Variants in NKAIN2 observed in about 807,000 individuals in gnomAD.
NKAIN2 encodes sodium/potassium-transporting ATPase subunit beta-1-interacting protein 2.
A neutral mutation model predicts 32.6 loss-of-function variants in NKAIN2; 14 were observed. The ratio of observed to expected loss-of-function variants is 0.43; its 90% CI spans 0.28 to 0.67. NKAIN2 has a LOEUF of 0.67. NKAIN2 is among the 30% of genes least tolerant of loss of function. The probability of loss-of-function intolerance (pLI) is 0.17; values close to 1 mark genes in which losing one functional copy is unlikely to be tolerated. For missense variants in NKAIN2, 198 were observed against 258.3 expected (o/e 0.77, Z 1.60); for synonymous variants, 80 against 87.2 (o/e 0.92, Z 0.46).
chr6:124,598,455 T>C (rs538924807), intron 3 of NKAIN2, among the ~76,000 whole-genome samples: 1 of 152,226 alleles, frequency 6.6e-6, no homozygotes, highest in South Asian at 2.1e-4. Context: ...CATACTGTGA[T>C]ATATGGTTCT....
chr6:123,971,394 G>T (rs376011589), intron 1 of NKAIN2, among the ~76,000 whole-genome samples: 1 of 151,870 alleles, frequency 6.6e-6, no homozygotes, highest in South Asian at 2.1e-4. Context: ...ATACGGATTT[G>T]TATGTGCTTC....
chr6:124,394,978 C>T (rs2114431552), intron 3 of NKAIN2, among the ~76,000 whole-genome samples: 1 of 152,200 alleles, frequency 6.6e-6, no homozygotes, highest in Non-Finnish European at 1.5e-5. Flanking sequence ...ATAATATGGG[C>T]TTGGACTTCC....
At chr6:124,609,676 T>C (rs1490226689) in intron 3 of NKAIN2, among the ~76,000 whole-genome samples, 1 of 152,036 alleles carries the variant, frequency 6.6e-6, no homozygotes, top group African/African-American at 2.4e-5. Flanking sequence ...CACACATTTT[T>C]TTTTCACTTT....
chr6:124,222,168 A>C (rs9482518), intron 1 of NKAIN2, among the ~76,000 whole-genome samples: 122,137 of 151,998 alleles, frequency 0.8, 49,273 homozygotes, highest in South Asian at 0.86. Flanking sequence ...GTAACAGGAA[A>C]AAGCAAAGAC....
chr6:124,561,424 C>T (rs1277460812), intron 3 of NKAIN2, among the ~76,000 whole-genome samples: 1 of 152,234 alleles, frequency 6.6e-6, no homozygotes, highest in African/African-American at 2.4e-5. Context: ...AGTGTCATAG[C>T]ATTTGATGGA....
chr6:123,916,773 CT>C (rs372688136), intron 1 of NKAIN2, among the ~76,000 whole-genome samples: 2 of 149,130 alleles, frequency 1.3e-5, no homozygotes, highest in Admixed American at 6.8e-5. Context: ...TCTATCTTAT[CT>C]ATGTATCTAT....
chr6:124,658,217 C>T lies in NKAIN2; in HGVS notation c.305C>T (p.Ser102Leu), dbSNP rs1439277697. The change falls in exon 4 of 7, where the codon TCA becomes TTA. Residue 102 changes from serine (S) to leucine (L), a missense_variant. Transcript: ENST00000368417. ...GACCTTATCCTGACTTTTAATATAT[C>T]AATGCACCGATCTTGGTGGATGGAG... Reference protein sequence around the residue: ...ETDLILTFNISMHRSWWMENG... With the variant: ...ETDLILTFNILMHRSWWMENG... 1 of 1,612,754 alleles carries T rather than the reference C, an allele frequency of 6.2e-7. No homozygotes were observed. The highest frequency in any genetic ancestry group is 2.2e-5 in the East Asian group (1 of 44,856).
intron 3 of NKAIN2, among the ~76,000 whole-genome samples, chr6:124,596,390 C>G (rs1782086949): frequency 6.6e-6 from 1 of 152,090 alleles, no homozygotes; most frequent in Non-Finnish European, 1.5e-5. Context: ...TGTGTGAGAG[C>G]CCCACAGGGC....
At chr6:124,224,924 C>T (rs1282370769) in intron 1 of NKAIN2, among the ~76,000 whole-genome samples, 1 of 152,002 alleles carries the variant, frequency 6.6e-6, no homozygotes, top group East Asian at 1.9e-4. Flanking sequence ...GGAGTATAAG[C>T]TATTTCTCTT....
chr6:124,322,118 C>T (rs1797221910), intron 2 of NKAIN2, among the ~76,000 whole-genome samples: 1 of 151,958 alleles, frequency 6.6e-6, no homozygotes. Context: ...AGACATATTG[C>T]ACTAAAAAAC....
At chr6:124,772,609 C>T (rs1408876016) in intron 4 of NKAIN2, among the ~76,000 whole-genome samples, 1 of 152,202 alleles carries the variant, frequency 6.6e-6, no homozygotes, top group Non-Finnish European at 1.5e-5. Context: ...AGAAATCTGG[C>T]TTCCCCACCT....
chr6:123,958,012 C>T (rs1231446732), intron 1 of NKAIN2, among the ~76,000 whole-genome samples: 1 of 151,874 alleles, frequency 6.6e-6, no homozygotes, highest in Non-Finnish European at 1.5e-5. Flanking sequence ...CATTATGATA[C>T]TGGTAGTAAT....
chr6:124,120,786 A>G (rs115587479), intron 1 of NKAIN2, among the ~76,000 whole-genome samples: 1,780 of 152,264 alleles, frequency 0.012, 33 homozygotes, highest in African/African-American at 0.041. Flanking sequence ...GTAGAAAAGT[A>G]TACGTTAGAT....
Position 124,633,829 on chromosome 6 carries a change from C to A in NKAIN2, c.274-24357C>A, listed in dbSNP as rs143141049. Among the ~76,000 whole-genome samples the A allele has an allele frequency of 6.9e-3, 1,054 of 152,306 alleles. 3 individuals are homozygous for A. The highest frequency in any genetic ancestry group is 0.01 in the Non-Finnish European group (708 of 68,030). ...GAGGGCCTACCTCTACTACCACCAG[C>A]AACCTTGCTTCCTCCACTGGTAGAG... is the stretch of plus-strand genomic sequence containing the variant. On this transcript the variant is annotated intron_variant, in intron 3 of 6. Coordinates refer to ENST00000368417, the MANE Select transcript of NKAIN2 (RefSeq NM_001040214.3).
At chr6:124,684,199 G>A (rs1238030513) in intron 4 of NKAIN2, among the ~76,000 whole-genome samples, 2 of 152,096 alleles carry the variant, frequency 1.3e-5, no homozygotes, top group East Asian at 1.9e-4. Context: ...ATGTCTGCTC[G>A]AAATTTTGTG....
chr6:124,353,037 C>T (rs1015600619), intron 2 of NKAIN2, among the ~76,000 whole-genome samples: 2 of 152,152 alleles, frequency 1.3e-5, no homozygotes, highest in African/African-American at 4.8e-5. Context: ...GCTCTCACTC[C>T]TCATACTACA....
At chr6:124,404,336 G>T (rs769203525) in intron 3 of NKAIN2, among the ~76,000 whole-genome samples, 1 of 152,142 alleles carries the variant, frequency 6.6e-6, no homozygotes, top group African/African-American at 2.4e-5. Flanking sequence ...ATCACTTTTT[G>T]TTGATTCCTG....
At chr6:124,516,813 C>T (rs1163328088) in intron 3 of NKAIN2, among the ~76,000 whole-genome samples, 1 of 152,170 alleles carries the variant, frequency 6.6e-6, no homozygotes, top group Non-Finnish European at 1.5e-5. Flanking sequence ...ACCTTCACTT[C>T]AAGTCTATGC....
intron 3 of NKAIN2, among the ~76,000 whole-genome samples, chr6:124,355,819 CT>C (rs1583111646): frequency 6.6e-6 from 1 of 152,132 alleles, no homozygotes; most frequent in Admixed American, 6.6e-5. Flanking sequence ...ACAATCAACC[CT>C]TTATTCTAAA....
Sources: allele counts gnomAD v4.1 joint callset (sites outside exome capture counted in the v4.1 genomes callset), GRCh38; gene constraint gnomAD v4.1.1; transcripts MANE v1.5; gene names NCBI Gene and HGNC (gene_info 2026-07-23, HGNC 2026-07-21).